WAC: variants seen among roughly 807,000 people sequenced by gnomAD.
WAC encodes WW domain containing adaptor with coiled-coil.
A neutral mutation model predicts 79.6 loss-of-function variants in WAC; 11 were observed. The observed-to-expected ratio is 0.14, with a 90% CI of 0.09 to 0.23. The LOEUF (loss-of-function observed/expected upper bound fraction) is 0.23. WAC is among the 10% of genes least tolerant of loss of function. The probability of loss-of-function intolerance (pLI) is 1.00; values close to 1 mark genes in which losing one functional copy is unlikely to be tolerated. For synonymous variants in WAC, 304 were observed against 276.9 expected (o/e 1.10, Z -0.97); for missense variants, 728 against 773.5 (o/e 0.94, Z 0.70).
chr10:28,611,817 G>C lies in WAC; in HGVS notation c.1332G>C (p.Ala444=). The C allele has an allele frequency of 6.2e-7, 1 of 1,613,894 alleles. No individual in the cohort carries two copies. The highest frequency in any genetic ancestry group is 1.1e-5 in the South Asian group (1 of 91,076). ...CTCCGATGTCTTTAACATCTGATGC[G>C]TCATCCCCAAGATCATATGTTTCTC... ...NQSPMSLTSD[A]SSPRSYVSPR... is the part of the protein sequence containing the mutation. The change falls in exon 10 of 14, where the codon GCG becomes GCC. Residue 444 remains alanine (A), a synonymous_variant. Coordinates refer to ENST00000354911, the MANE Select transcript of WAC (RefSeq NM_016628.5).
intron 3 of WAC, among the ~76,000 whole-genome samples, chr10:28,560,185 T>C (rs1838224450): frequency 6.6e-6 from 1 of 151,768 alleles, no homozygotes; most frequent in African/African-American, 2.4e-5. Flanking sequence ...CTGCAAAAAA[T>C]AAAATAAAAA....
chr10:28,589,637 C>A (rs1162169886), intron 4 of WAC, 99 bp from the exon 5 acceptor site: 1 of 697,596 alleles, frequency 1.4e-6, no homozygotes, highest in Non-Finnish European at 2.4e-6. Flanking sequence ...GTACCTTTAT[C>A]TCATAAGTGT....
chr10:28,583,275 C>T, intron 3 of WAC, 124 bp from the exon 4 acceptor site: 1 of 660,524 alleles, frequency 1.5e-6, no homozygotes, highest in Non-Finnish European at 2.5e-6. Flanking sequence ...TGTATATATT[C>T]CTAATGCTTA....
At chr10:28,554,218 C>G (rs1432235292) in intron 3 of WAC, among the ~76,000 whole-genome samples, 3 of 152,122 alleles carry the variant, frequency 2.0e-5, no homozygotes, top group African/African-American at 7.2e-5. Flanking sequence ...TATGCAAATA[C>G]TACACTACTT....
chr10:28,580,018 C>T (rs1839453021), intron 3 of WAC, among the ~76,000 whole-genome samples: 1 of 152,088 alleles, frequency 6.6e-6, no homozygotes, highest in Non-Finnish European at 1.5e-5. Flanking sequence ...TTATCTTACT[C>T]CTCACCCATT....
chr10:28,540,687 A>AT (rs1450138403), intron 3 of WAC, among the ~76,000 whole-genome samples: 2 of 152,298 alleles, frequency 1.3e-5, no homozygotes, highest in Non-Finnish European at 2.9e-5. Flanking sequence ...GATGTTAAGT[A>AT]TTTTTTGTCT....
At chr10:28,534,132 T>C in intron 2 of WAC, 98 bp downstream of exon 2, 2 of 1,224,846 alleles carry the variant, frequency 1.6e-6, no homozygotes, top group Non-Finnish European at 2.3e-6. Context: ...ATACAGGCCC[T>C]TCGGTGCAAC....
chr10:28,565,552 A>G (rs1256351006), intron 3 of WAC, among the ~76,000 whole-genome samples: 1 of 152,132 alleles, frequency 6.6e-6, no homozygotes, highest in Non-Finnish European at 1.5e-5. Context: ...TTAATGTTCT[A>G]GTGACAGTTA....
At chr10:28,583,318 A>T (rs543586740) in intron 3 of WAC, 81 bp from the exon 4 acceptor site, 53 of 994,716 alleles carry the variant, frequency 5.3e-5, no homozygotes, top group Non-Finnish European at 7.8e-5. Flanking sequence ...ATAAAATAAT[A>T]TCTAGTATGA....
intron 3 of WAC, 53 bp downstream of exon 3, chr10:28,535,810 T>C: frequency 1.4e-6 from 2 of 1,444,866 alleles, no homozygotes; most frequent in South Asian, 1.3e-5. Context: ...AATAGCTCTA[T>C]ATAAAAGGCG....
At position 28,617,640 on chromosome 10, in the gene WAC, CATTTCTTT is replaced by C; in HGVS notation, c.1747-15_1747-8del. ...TAATGTTTATATTTTATGTTTTCTT[CATTTCTTT>C]AATTACAGGCATCAAGATTACGCGA... On this transcript the variant is annotated splice_polypyrimidine_tract_variant and intron_variant, in intron 12 of 13. Coordinates refer to ENST00000354911, the MANE Select transcript of WAC (RefSeq NM_016628.5). The C allele has an allele frequency of 6.5e-7, 1 of 1,534,142 alleles. No individual in the cohort carries two copies. The highest frequency in any genetic ancestry group is 2.4e-5 in the East Asian group (1 of 41,908).
chr10:28,576,116 C>T (rs982503583), intron 3 of WAC, among the ~76,000 whole-genome samples: 1 of 152,166 alleles, frequency 6.6e-6, no homozygotes, highest in East Asian at 1.9e-4. Flanking sequence ...AACAAAATTG[C>T]TCGACAACAT....
chr10:28,564,886 G>A (rs979118345), intron 3 of WAC, among the ~76,000 whole-genome samples: 40 of 152,234 alleles, frequency 2.6e-4, no homozygotes, highest in African/African-American at 9.4e-4. Context: ...TCCATGCAGG[G>A]TTGGTTGTTG....
chr10:28,547,603 G>A (rs1291620381), intron 3 of WAC, among the ~76,000 whole-genome samples: 2 of 150,468 alleles, frequency 1.3e-5, no homozygotes, highest in African/African-American at 4.9e-5. Flanking sequence ...ATTGGGAAAT[G>A]TCTTCATTTT....
intron 10 of WAC, among the ~76,000 whole-genome samples, chr10:28,614,328 C>T (rs961800112): frequency 3.9e-5 from 6 of 152,016 alleles, no homozygotes; most frequent in Non-Finnish European, 8.8e-5. Context: ...CTCCTGACCT[C>T]GTGATCCGCC....
intron 3 of WAC, among the ~76,000 whole-genome samples, chr10:28,580,594 A>G (rs1032155300): frequency 2.0e-5 from 3 of 152,122 alleles, no homozygotes; most frequent in Non-Finnish European, 2.9e-5. Flanking sequence ...AGTCAGTAAG[A>G]TTAGGTTTTT....
At chr10:28,583,093 TAAGAA>T (rs1839623750) in intron 3 of WAC, among the ~76,000 whole-genome samples, 1 of 152,122 alleles carries the variant, frequency 6.6e-6, no homozygotes, top group South Asian at 2.1e-4. Context: ...AGTAAAACTT[TAAGAA>T]AACCCAGAAG....
At chr10:28,581,591 G>A (rs1455556281) in intron 3 of WAC, among the ~76,000 whole-genome samples, 1 of 152,000 alleles carries the variant, frequency 6.6e-6, no homozygotes, top group Non-Finnish European at 1.5e-5. Flanking sequence ...GTCTTGCTCT[G>A]TTGCCCAGGC....
chr10:28,594,350 C>G (rs1366271284), intron 6 of WAC, among the ~76,000 whole-genome samples: 1 of 152,172 alleles, frequency 6.6e-6, no homozygotes, highest in East Asian at 1.9e-4. Context: ...CTAAAGGTTT[C>G]TGTCTTAGTT....
Sources: gnomAD v4.1 joint callset for allele counts (sites outside exome capture counted in the v4.1 genomes callset) on GRCh38, gnomAD v4.1.1 for gene constraint, MANE v1.5 for transcripts, NCBI Gene and HGNC (gene_info 2026-07-23, HGNC 2026-07-21) for gene names.